Variants in RPTOR observed in about 807,000 individuals in gnomAD.
RPTOR encodes the protein regulatory-associated protein of mTOR.
Under a neutral mutation model 169.9 loss-of-function variants are expected in RPTOR, and 21 were observed. That is an observed-to-expected ratio of 0.12 (90% CI 0.09 to 0.18). The LOEUF (loss-of-function observed/expected upper bound fraction) is 0.18, where lower values mean the gene tolerates loss of function less well. Ranked by LOEUF, RPTOR falls within the 10% of genes least tolerant of loss-of-function variation. The probability of loss-of-function intolerance (pLI) is 1.00; values close to 1 mark genes in which losing one functional copy is unlikely to be tolerated. For missense variants in RPTOR, 1,133 were observed against 1,855.9 expected, an observed-to-expected ratio of 0.61 and a Z score of 7.16; for synonymous variants, 732 against 753.2, an observed-to-expected ratio of 0.97 and a Z score of 0.46.
At chr17:80,598,673 C>A (rs1272021181) in intron 1 of RPTOR, among the ~76,000 whole-genome samples, 1 of 152,126 alleles carries the variant, frequency 6.6e-6, no homozygotes, top group African/African-American at 2.4e-5. Flanking sequence ...GCTCTGTGAT[C>A]CTGCTGACAA....
intron 23 of RPTOR, 96 bp from the exon 24 acceptor site, chr17:80,925,274 C>T (rs577343808): frequency 6.6e-5 from 67 of 1,021,158 alleles, no homozygotes; most frequent in Non-Finnish European, 8.4e-5. Context: ...CTCCCGGCAG[C>T]GCCTTTGTCC....
At chr17:80,816,368 G>A (rs1186794906) in intron 7 of RPTOR, among the ~76,000 whole-genome samples, 2 of 152,222 alleles carry the variant, frequency 1.3e-5, no homozygotes, top group African/African-American at 4.8e-5. Flanking sequence ...TGGGGCCTCC[G>A]GGGTTTCGAG....
chr17:80,771,404 G>A lies in RPTOR; in HGVS notation c.830+17219G>A, dbSNP rs572280981. Among the ~76,000 whole-genome samples, 8 of 152,286 alleles carry A rather than the reference G, an allele frequency of 5.3e-5. No homozygotes were observed. In the East Asian group the frequency reaches 7.7e-4, roughly 15 times the overall value. On this transcript the variant is annotated intron_variant, in intron 6 of 33. Coordinates refer to ENST00000306801, the MANE Select transcript of RPTOR (RefSeq NM_020761.3). ...TGAAACAAAAGGTCCACCCCAGCAA[G>A]AGGGCACTCCCGCCGCCCGCTGGCC... is the stretch of plus-strand genomic sequence containing the variant.
intron 7 of RPTOR, among the ~76,000 whole-genome samples, chr17:80,806,204 C>T (rs138534175): frequency 6.6e-6 from 1 of 152,168 alleles, no homozygotes; most frequent in Non-Finnish European, 1.5e-5. Context: ...CACTCCAAAC[C>T]ATTTCGGTAA....
intron 1 of RPTOR, among the ~76,000 whole-genome samples, chr17:80,623,226 A>G (rs1310934173): frequency 6.6e-5 from 10 of 152,220 alleles, no homozygotes; most frequent in Admixed American, 6.5e-4. Context: ...ATTGGAAAGA[A>G]TGAGACAGAC....
chr17:80,676,031 G>A (rs1457734060), intron 3 of RPTOR, among the ~76,000 whole-genome samples: 1 of 152,200 alleles, frequency 6.6e-6, no homozygotes, highest in Non-Finnish European at 1.5e-5. Flanking sequence ...AATAGAAAAT[G>A]TAGCTGAGTG....
chr17:80,830,589 G>A (rs950044072), intron 9 of RPTOR, among the ~76,000 whole-genome samples: 3 of 152,308 alleles, frequency 2.0e-5, no homozygotes, highest in South Asian at 2.1e-4. Context: ...TGCACGGGCC[G>A]CTGCTGTCCA....
At chr17:80,743,521 A>G in intron 5 of RPTOR, 2 of 901,894 alleles carry the variant, frequency 2.2e-6, no homozygotes, top group Non-Finnish European at 2.7e-6. Flanking sequence ...GGGCATTGCC[A>G]GGTCTGAAAG....
chr17:80,923,797 C>T, intron 23 of RPTOR, 124 bp downstream of exon 23: 1 of 1,100,832 alleles, frequency 9.1e-7, no homozygotes, highest in South Asian at 1.7e-5. Flanking sequence ...ACCCTGCCGT[C>T]CTGGGTCTGT....
chr17:80,756,190 T>G (rs534570218), intron 6 of RPTOR, among the ~76,000 whole-genome samples: 2 of 103,880 alleles, frequency 1.9e-5, no homozygotes, highest in South Asian at 6.6e-4. Flanking sequence ...AGGTTAGTTA[T>G]GTGAGAGCAG....
At position 80,945,020 on chromosome 17, in the gene RPTOR, G is replaced by C. The variant is rs542255030; in HGVS notation, c.3026-647G>C. ...AAAAAAAAAAAAAAGACTGGCTACT[G>C]GCTGGGCGTATGCCCATAATCCCAA... On this transcript the variant is annotated intron_variant, in intron 25 of 33. Coordinates refer to ENST00000306801, the MANE Select transcript of RPTOR (RefSeq NM_020761.3). Among the ~76,000 whole-genome samples, 274 of 151,780 alleles carry C rather than the reference G, an allele frequency of 1.8e-3. 1 individual carries two copies. Among genetic ancestry groups the C allele is most frequent in the Admixed American group, 5.5e-3 (84 of 15,256 alleles).
At chr17:80,682,166 C>G (rs571951975) in intron 3 of RPTOR, among the ~76,000 whole-genome samples, 1 of 139,204 alleles carries the variant, frequency 7.2e-6, no homozygotes, top group Non-Finnish European at 1.5e-5. Context: ...TACAGTGGTG[C>G]AATCATGGGT....
rs577696251 is a variant in RPTOR, at chr17:80,773,663, A to G, written c.831-17787A>G. Among the ~76,000 whole-genome samples the G allele has an allele frequency of 3.9e-5, 6 of 152,128 alleles. No homozygotes were observed. In the South Asian group the frequency reaches 1.2e-3, roughly 32 times the overall value. ...AAGGCAGCCCCGCAGCCTTGTTCTG[A>G]GCTGGCTGGCTCCTAGATGTTATTT... is the stretch of plus-strand genomic sequence containing the variant. On this transcript the variant is annotated intron_variant, in intron 6 of 33. Transcript: ENST00000306801.
chr17:80,718,938 G>A (rs573885555), intron 4 of RPTOR, among the ~76,000 whole-genome samples: 148 of 152,262 alleles, frequency 9.7e-4, no homozygotes, highest in Non-Finnish European at 1.7e-3. Flanking sequence ...GGCCAGTGGC[G>A]GCACCCTGAG....
chr17:80,626,386 C>T lies in RPTOR; in HGVS notation c.265+593C>T, dbSNP rs547217421. Among the ~76,000 whole-genome samples, 103 of 151,516 alleles carry T rather than the reference C, an allele frequency of 6.8e-4. 1 individual carries two copies. Among genetic ancestry groups the T allele is most frequent in the Admixed American group, 3.3e-3 (51 of 15,224 alleles). On this transcript the variant is annotated intron_variant, in intron 2 of 33. Transcript: ENST00000306801. ...ATTTTCTACTTTATATTTGTTCTGT[C>T]TGGCACACATAGTATCTATGTACAC...
intron 3 of RPTOR, among the ~76,000 whole-genome samples, chr17:80,703,126 T>C (rs1035106439): frequency 6.6e-6 from 1 of 152,198 alleles, no homozygotes; most frequent in East Asian, 1.9e-4. Flanking sequence ...TCCGTGCCTT[T>C]GTTCTTCACC....
At chr17:80,634,285 T>C (rs1359798535) in intron 2 of RPTOR, among the ~76,000 whole-genome samples, 5 of 149,072 alleles carry the variant, frequency 3.4e-5, no homozygotes, top group African/African-American at 1.0e-4. Flanking sequence ...GTACTGTGTG[T>C]GTGCGTACTG....
rs1388622182 is a variant in RPTOR at position 80,746,231 on chromosome 17, T to G, written c.655-7779T>G. 7.3e-6 allele frequency among the ~76,000 whole-genome samples: 1 copy of G among 136,102 alleles called. No homozygotes were observed. The highest frequency in any genetic ancestry group is 1.6e-5 in the Non-Finnish European group (1 of 61,678). The allele number at this position is 136,102 out of a possible 152,430, so 89.3% of individuals were successfully genotyped here. On this transcript the variant is annotated intron_variant, in intron 5 of 33. Transcript: ENST00000306801. The surrounding 1 kb of genome is among the most constrained non-coding windows in gnomAD (Gnocchi z 4.5). ...CCACAGCGGTGCTTTCTGCGGGTGA[T>G]CCCCACCGCCCCCACAGCGGTGCTT...
At chr17:80,565,973 G>T (rs2084583666) in intron 1 of RPTOR, among the ~76,000 whole-genome samples, 1 of 152,222 alleles carries the variant, frequency 6.6e-6, no homozygotes, top group Non-Finnish European at 1.5e-5. Flanking sequence ...GTTTCTCATT[G>T]GTTTAAAGTC....
Sources: allele counts gnomAD v4.1 joint callset (sites outside exome capture counted in the v4.1 genomes callset), GRCh38; gene constraint gnomAD v4.1.1; non-coding constraint Gnocchi (gnomAD v3.1); transcripts MANE v1.5; gene names NCBI Gene and HGNC (gene_info 2026-07-23, HGNC 2026-07-21).